TMEM38B: variants seen among roughly 807,000 people sequenced by gnomAD.
The protein encoded by TMEM38B is transmembrane protein 38B, also known as trimeric intracellular cation channel type B.
TMEM38B carries 24 observed loss-of-function variants against 28.7 expected under a neutral mutation model. That is an observed-to-expected ratio of 0.84 (90% CI 0.61 to 1.18). The LOEUF (loss-of-function observed/expected upper bound fraction) is 1.18. Ranked by LOEUF, TMEM38B falls within the 50% of genes most tolerant of loss-of-function variation. The probability of loss-of-function intolerance (pLI) is 0.00; values close to 1 mark genes in which losing one functional copy is unlikely to be tolerated. For missense variants in TMEM38B, 380 were observed against 350.9 expected (o/e 1.08, Z -0.66); for synonymous variants, 131 against 127.7 (o/e 1.03, Z -0.17).
intron 2 of TMEM38B, among the ~76,000 whole-genome samples, chr9:105,720,004 CAG>C (rs1836263824): frequency 6.6e-6 from 1 of 152,154 alleles, no homozygotes; most frequent in South Asian, 2.1e-4. Flanking sequence ...GAGAACTATA[CAG>C]ACTTTCAAAT....
intron 5 of TMEM38B, among the ~76,000 whole-genome samples, chr9:105,756,098 G>A (rs1219310891): frequency 2.6e-5 from 4 of 152,094 alleles, no homozygotes; most frequent in African/African-American, 7.2e-5. Flanking sequence ...TCAGTGAGCC[G>A]AGATCGCGCC....
intron 1 of TMEM38B, among the ~76,000 whole-genome samples, chr9:105,696,398 C>T (rs541599548): frequency 6.6e-6 from 1 of 152,170 alleles, no homozygotes; most frequent in Non-Finnish European, 1.5e-5. Flanking sequence ...AAGCGATTCT[C>T]CTGCCTCAGC....
chr9:105,766,884 TC>T (rs924154774), intron 5 of TMEM38B, among the ~76,000 whole-genome samples: 2 of 95,300 alleles, frequency 2.1e-5, no homozygotes, highest in African/African-American at 4.0e-5. Flanking sequence ...GTGCTATCCC[TC>T]CCCCCTCCCC....
In TMEM38B at chr9:105,773,889, TCTA is replaced by T; in HGVS notation, c.689_691del (p.Thr230del). 1 of 1,613,646 alleles carries T rather than the reference TCTA, an allele frequency of 6.2e-7. No individual in the cohort carries two copies. The highest frequency in any genetic ancestry group is 8.5e-7 in the Non-Finnish European group (1 of 1,179,682). On this transcript the variant is annotated inframe_deletion, in exon 6 of 6. Transcript: ENST00000374692. Reference sequence around the variant, plus strand: ...GATAACCATGATGACTACACAGACTTCTACTATGACATTTGCTCCTTTTGAGGA... The same window carrying T: ...GATAACCATGATGACTACACAGACTTCTATGACATTTGCTCCTTTTGAGGA...
At chr9:105,730,875 G>T (rs1156500624) in intron 4 of TMEM38B, among the ~76,000 whole-genome samples, 1 of 152,162 alleles carries the variant, frequency 6.6e-6, no homozygotes, top group Non-Finnish European at 1.5e-5. Context: ...AGTATTCTCT[G>T]ATGGTAATTT....
chr9:105,754,198 T>G (rs1014939613), intron 5 of TMEM38B, among the ~76,000 whole-genome samples: 3 of 152,118 alleles, frequency 2.0e-5, no homozygotes, highest in Admixed American at 6.5e-5. Flanking sequence ...GTGGGAGACT[T>G]TAACACCCTA....
intron 1 of TMEM38B, among the ~76,000 whole-genome samples, chr9:105,704,884 A>G (rs906192008): frequency 6.6e-6 from 1 of 151,958 alleles, no homozygotes; most frequent in Admixed American, 6.6e-5. Context: ...AGATCGCATC[A>G]CTGCACTCCA....
chr9:105,712,918 G>A (rs1456333250), intron 2 of TMEM38B, among the ~76,000 whole-genome samples: 1 of 152,206 alleles, frequency 6.6e-6, no homozygotes, highest in Non-Finnish European at 1.5e-5. Context: ...GAGCTTTGGG[G>A]CCACAAAGGG....
chr9:105,719,945 TC>T (rs1417590591), intron 2 of TMEM38B, among the ~76,000 whole-genome samples: 5 of 152,052 alleles, frequency 3.3e-5, no homozygotes, highest in Non-Finnish European at 5.9e-5. Flanking sequence ...TGTATACTTT[TC>T]CCCCATTACC....
chr9:105,771,163 A>G (rs926560696), intron 5 of TMEM38B, among the ~76,000 whole-genome samples: 2 of 152,210 alleles, frequency 1.3e-5, no homozygotes, highest in Non-Finnish European at 2.9e-5. Context: ...GAGACTATGA[A>G]GCCAAATACT....
rs932532395 is a variant in TMEM38B, at chr9:105,774,161, G to A, written c.*81G>A. 8.6e-7 allele frequency: 1 copy of A among 1,162,094 alleles called. No homozygotes were observed. Among genetic ancestry groups the A allele is most frequent in the African/African-American group, 1.6e-5 (1 of 64,134 alleles). The allele number at this position is 1,162,094 out of a possible 1,614,324, so 72.0% of individuals were successfully genotyped here. The stretch of plus-strand genomic sequence containing the variant: ...ATTGTGCTAATTTTTCTATGTATGT[G>A]ATGTGAAATGAAGACTATATATATG... On this transcript the variant is annotated 3_prime_UTR_variant, in exon 6 of 6. Coordinates refer to ENST00000374692, the MANE Select transcript of TMEM38B (RefSeq NM_018112.3).
At chr9:105,758,327 T>C (rs1383554683) in intron 5 of TMEM38B, 7 of 820,842 alleles carry the variant, frequency 8.5e-6, no homozygotes, top group Non-Finnish European at 1.5e-5. Flanking sequence ...AGAGCTAGAA[T>C]TCAGATCTTC....
rs532937323 is a variant in TMEM38B at position 105,775,600 on chromosome 9, A to G, written c.*1520A>G. 1 of 152,082 alleles carries G rather than the reference A, an allele frequency of 6.6e-6. No homozygotes were observed. Among genetic ancestry groups the G allele is most frequent in the Non-Finnish European group, 1.5e-5 (1 of 67,982 alleles). The allele number at this position is 152,082 out of a possible 1,614,324, so 9.4% of individuals were successfully genotyped here. Reference sequence around the variant, plus strand: ...CACTTTTCATAGTCTTGGAATGCTAAGAAGTTTTATTTTTAATATTGTGAC... The same window carrying G: ...CACTTTTCATAGTCTTGGAATGCTAGGAAGTTTTATTTTTAATATTGTGAC... On this transcript the variant is annotated 3_prime_UTR_variant, in exon 6 of 6. Transcript: ENST00000374692.
intron 5 of TMEM38B, chr9:105,760,412 A>G (rs1837998021): frequency 1.3e-6 from 1 of 741,672 alleles, no homozygotes; most frequent in African/African-American, 1.7e-5. Flanking sequence ...CATCTTGAAT[A>G]CTTAAAAAAG....
intron 4 of TMEM38B, among the ~76,000 whole-genome samples, chr9:105,730,923 A>T (rs538319974): frequency 6.6e-6 from 1 of 151,894 alleles, no homozygotes; most frequent in Non-Finnish European, 1.5e-5. Flanking sequence ...CCCCTTTATC[A>T]TTTTTTATTG....
intron 1 of TMEM38B, among the ~76,000 whole-genome samples, chr9:105,704,157 C>G (rs944575619): frequency 3.9e-5 from 6 of 151,946 alleles, no homozygotes; most frequent in African/African-American, 1.2e-4. Flanking sequence ...GGGTTCAGTG[C>G]GCCAGCATGG....
chr9:105,703,151 C>A (rs1292519659), intron 1 of TMEM38B, among the ~76,000 whole-genome samples: 1 of 152,086 alleles, frequency 6.6e-6, no homozygotes, highest in Admixed American at 6.5e-5. Flanking sequence ...AGAGAAATTT[C>A]TTTTTTCTCT....
At chr9:105,770,795 G>A (rs1285528571) in intron 5 of TMEM38B, among the ~76,000 whole-genome samples, 1 of 152,154 alleles carries the variant, frequency 6.6e-6, no homozygotes, top group African/African-American at 2.4e-5. Flanking sequence ...ATTTGGGCAG[G>A]TGGAGACAGG....
chr9:105,759,252 A>T (rs1837948324), intron 5 of TMEM38B: 2 of 715,778 alleles, frequency 2.8e-6, no homozygotes, highest in South Asian at 1.6e-5. Flanking sequence ...TGGCTATGTC[A>T]TAGTTTCAGA....
Sources: allele counts gnomAD v4.1 joint callset (sites outside exome capture counted in the v4.1 genomes callset), GRCh38; gene constraint gnomAD v4.1.1; transcripts MANE v1.5; gene names NCBI Gene and HGNC (gene_info 2026-07-23, HGNC 2026-07-21).